The following DCC variants were observed in gnomAD, a reference collection of about 807,000 sequenced individuals.
DCC encodes DCC netrin 1 receptor.
A neutral mutation model predicts 172.5 loss-of-function variants in DCC; 58 were observed. The observed-to-expected ratio is 0.34, with a 90% CI of 0.27 to 0.42. The LOEUF is 0.42. Among genes scored for constraint, DCC ranks in the 10% least tolerant of loss-of-function variants. The pLI is 1.00. For missense variants in DCC, 1,740 were observed against 1,791.0 expected, an observed-to-expected ratio of 0.97 and a Z score of 0.51; for synonymous variants, 709 against 644.5, an observed-to-expected ratio of 1.10 and a Z score of -1.52.
intron 7 of DCC, among the ~76,000 whole-genome samples, chr18:53,076,979 CA>C (rs1568288190): frequency 6.6e-6 from 1 of 152,142 alleles, no homozygotes; most frequent in Non-Finnish European, 1.5e-5. Context: ...TTTATGCCAC[CA>C]TTGGATGCTG....
At chr18:52,923,131 C>T (rs1410150717) in intron 3 of DCC, among the ~76,000 whole-genome samples, 1 of 152,124 alleles carries the variant, frequency 6.6e-6, no homozygotes, top group Non-Finnish European at 1.5e-5. Flanking sequence ...AAAAGCCAGA[C>T]ACAGACTAGT....
At chr18:53,138,113 C>A (rs772683522) in intron 7 of DCC, among the ~76,000 whole-genome samples, 1 of 152,024 alleles carries the variant, frequency 6.6e-6, no homozygotes, top group African/African-American at 2.4e-5. Context: ...CAAGCATGAG[C>A]CATTGTGCCC....
chr18:53,056,861 C>T (rs950980396), intron 5 of DCC, among the ~76,000 whole-genome samples: 1 of 151,854 alleles, frequency 6.6e-6, no homozygotes, highest in East Asian at 1.9e-4. Flanking sequence ...GTGGTTTGTG[C>T]TGCCTATTGT....
intron 1 of DCC, among the ~76,000 whole-genome samples, chr18:52,377,762 A>C (rs1056354182): frequency 2.7e-4 from 40 of 149,692 alleles, no homozygotes; most frequent in Admixed American, 1.3e-3. Flanking sequence ...GGTAAAGTGC[A>C]GTGACACAAT....
intron 15 of DCC, among the ~76,000 whole-genome samples, chr18:53,350,041 T>C (rs2057771373): frequency 6.6e-6 from 1 of 152,056 alleles, no homozygotes; most frequent in Admixed American, 6.6e-5. Flanking sequence ...AGATAAAAAG[T>C]AACATAAAAT....
intron 2 of DCC, among the ~76,000 whole-genome samples, chr18:52,795,275 C>T (rs9945756): frequency 2.3e-4 from 35 of 151,926 alleles, no homozygotes; most frequent in East Asian, 9.6e-4. Context: ...TTTATTGGGA[C>T]GCACCTGATT....
chr18:52,717,707 C>T (rs553902843), intron 1 of DCC, among the ~76,000 whole-genome samples: 27 of 152,198 alleles, frequency 1.8e-4, no homozygotes, highest in African/African-American at 6.5e-4. Context: ...CTTAGGGTTT[C>T]GCTGGTGCTG....
intron 2 of DCC, among the ~76,000 whole-genome samples, chr18:52,888,617 A>G (rs1455129659): frequency 2.6e-5 from 4 of 152,102 alleles, no homozygotes; most frequent in African/African-American, 4.8e-5. Context: ...GGCAAAATAC[A>G]TACATATATA....
chr18:53,175,264 C>T (rs915240720), intron 8 of DCC, among the ~76,000 whole-genome samples: 3 of 151,790 alleles, frequency 2.0e-5, no homozygotes, highest in African/African-American at 7.3e-5. Flanking sequence ...TGAAAACTGG[C>T]ACAAGACAGG....
At chr18:52,816,354 C>A (rs369066205) in intron 2 of DCC, among the ~76,000 whole-genome samples, 2 of 152,342 alleles carry the variant, frequency 1.3e-5, no homozygotes, top group African/African-American at 4.8e-5. Context: ...ACATTCCTCT[C>A]TCAGCTGCTC....
At chr18:52,633,826 C>T (rs1313866864) in intron 1 of DCC, among the ~76,000 whole-genome samples, 2 of 152,130 alleles carry the variant, frequency 1.3e-5, no homozygotes, top group Non-Finnish European at 2.9e-5. Context: ...AAGTCAATGA[C>T]ACTGAAAACA....
chr18:52,930,837 C>G (rs540204224), intron 5 of DCC, among the ~76,000 whole-genome samples: 5 of 152,142 alleles, frequency 3.3e-5, no homozygotes, highest in Non-Finnish European at 7.4e-5. Flanking sequence ...GGCACCAAAT[C>G]TTTTTCTTCA....
intron 17 of DCC, among the ~76,000 whole-genome samples, chr18:53,392,772 T>A (rs1023193856): frequency 5.3e-5 from 8 of 152,242 alleles, no homozygotes; most frequent in African/African-American, 1.9e-4. Flanking sequence ...TAGTCATTGT[T>A]ACTTACTACA....
chr18:52,892,645 A>G (rs2039667510), intron 2 of DCC: 1 of 152,092 alleles, frequency 6.6e-6, no homozygotes, highest in Non-Finnish European at 1.5e-5. Context: ...AGCGTCAAAC[A>G]TTGTCATTTT....
At chr18:53,069,113 A>T (rs949836604) in intron 7 of DCC, among the ~76,000 whole-genome samples, 8 of 152,086 alleles carry the variant, frequency 5.3e-5, no homozygotes, top group African/African-American at 1.7e-4. Flanking sequence ...AAGTACAGTA[A>T]CACCAAAGTT....
chr18:52,919,511 G>A (rs1422428890), intron 3 of DCC, among the ~76,000 whole-genome samples: 1 of 152,130 alleles, frequency 6.6e-6, no homozygotes, highest in Non-Finnish European at 1.5e-5. Context: ...TCATATGAAT[G>A]TATGTACAAA....
rs1272879281 is a variant in DCC, at chr18:53,263,264, G to A, written c.1912-42314G>A. Among the ~76,000 whole-genome samples, 3 of 152,122 alleles carry A rather than the reference G, an allele frequency of 2.0e-5. No individual in the cohort carries two copies. In the East Asian group the frequency reaches 5.8e-4, roughly 29 times the overall value. Reference sequence around the variant, plus strand: ...CCTCTGGGGTTCAAGCGATTCTCCTGCCTCAGCCTCCGGAGTAGCCGGGAT... The same window carrying A: ...CCTCTGGGGTTCAAGCGATTCTCCTACCTCAGCCTCCGGAGTAGCCGGGAT... On this transcript the variant is annotated intron_variant, in intron 12 of 28. Transcript: ENST00000442544.
chr18:52,867,564 GTTAT>G, intron 2 of DCC, among the ~76,000 whole-genome samples: 1 of 151,752 alleles, frequency 6.6e-6, no homozygotes. Context: ...TTCAGAACTT[GTTAT>G]TTGTTTATTC....
At chr18:52,487,406 T>C (rs1429821909) in intron 1 of DCC, among the ~76,000 whole-genome samples, 1 of 152,178 alleles carries the variant, frequency 6.6e-6, no homozygotes. Context: ...AACACATCTA[T>C]AAAATCGAGA....
Sources: gnomAD v4.1 joint callset for allele counts (sites outside exome capture counted in the v4.1 genomes callset) on GRCh38, gnomAD v4.1.1 for gene constraint, MANE v1.5 for transcripts, NCBI Gene and HGNC (gene_info 2026-07-23, HGNC 2026-07-21) for gene names.